Variants in ZNF568 observed in about 807,000 individuals in gnomAD.
ZNF568 encodes the protein p53 inhibitor of SCO2 activation.
A neutral mutation model predicts 18.1 loss-of-function variants in ZNF568; 11 were observed. The observed-to-expected ratio is 0.61, with a 90% CI of 0.38 to 1.00. The LOEUF is 1.00. ZNF568 is among the 50% of genes least tolerant of loss of function. The pLI, the probability that ZNF568 is intolerant of heterozygous loss-of-function variation, is 0.01. For synonymous variants in ZNF568, 213 were observed against 246.6 expected, an observed-to-expected ratio of 0.86 and a Z score of 1.28; for missense variants, 639 against 768.2, an observed-to-expected ratio of 0.83 and a Z score of 1.99.
intron 6 of ZNF568, among the ~76,000 whole-genome samples, chr19:36,965,717 T>C (rs1358766408): frequency 3.0e-5 from 3 of 100,424 alleles, no homozygotes; most frequent in Admixed American, 9.8e-5. Context: ...TTTTTTTTTT[T>C]TTTTTTAAGA....
intron 6 of ZNF568, among the ~76,000 whole-genome samples, chr19:36,969,649 TC>T (rs2074221363): frequency 6.6e-6 from 1 of 152,022 alleles, no homozygotes; most frequent in South Asian, 2.1e-4. Context: ...TATGGCACTT[TC>T]CTCCGTCTTC....
chr19:36,922,279 G>A (rs1369429882), intron 2 of ZNF568, among the ~76,000 whole-genome samples: 2 of 152,168 alleles, frequency 1.3e-5, no homozygotes, highest in South Asian at 2.1e-4. Context: ...GCTGTCAACA[G>A]GAGGCCTCTC....
At chr19:36,995,912 C>G (rs1267930158) in intron 4 of ZNF568, among the ~76,000 whole-genome samples, 1 of 152,048 alleles carries the variant, frequency 6.6e-6, no homozygotes, top group Non-Finnish European at 1.5e-5. Context: ...GGATAATAAC[C>G]CCCTCAAAGA....
chr19:36,961,391 T>A (rs1327016544), intron 6 of ZNF568, among the ~76,000 whole-genome samples: 1 of 152,100 alleles, frequency 6.6e-6, no homozygotes, highest in African/African-American at 2.4e-5. Flanking sequence ...TCCATCCTTT[T>A]ACTTTCAGTC....
chr19:36,918,208 T>G (rs1338110408), intron 2 of ZNF568, among the ~76,000 whole-genome samples: 1 of 152,184 alleles, frequency 6.6e-6, no homozygotes, highest in African/African-American at 2.4e-5. Flanking sequence ...CCTCCCAAAG[T>G]GCTGGGATTA....
At chr19:36,992,241 TCA>T (rs2074431572) in intron 4 of ZNF568, among the ~76,000 whole-genome samples, 1 of 56,350 alleles carries the variant, frequency 1.8e-5, no homozygotes, top group Admixed American at 2.4e-4. Context: ...AGACTCCGTC[TCA>T]AAAAAAAAAA....
chr19:36,942,335 C>T (rs2073893812), intron 6 of ZNF568, among the ~76,000 whole-genome samples: 1 of 151,730 alleles, frequency 6.6e-6, no homozygotes, highest in Admixed American at 6.6e-5. Context: ...CGCGGCAGCT[C>T]ACGCCTGTAA....
chr19:36,966,391 G>A (rs926724366), intron 6 of ZNF568, among the ~76,000 whole-genome samples: 2 of 152,188 alleles, frequency 1.3e-5, no homozygotes, highest in East Asian at 1.9e-4. Context: ...GATTACAGGC[G>A]TGAGCCATCA....
chr19:36,961,766 T>C (rs2146323345), intron 6 of ZNF568, among the ~76,000 whole-genome samples: 1 of 152,118 alleles, frequency 6.6e-6, no homozygotes, highest in East Asian at 1.9e-4. Context: ...CAGGTGATCC[T>C]CCCACCTCAG....
At chr19:36,959,165 C>G (rs2146321300) in intron 6 of ZNF568, among the ~76,000 whole-genome samples, 1 of 152,172 alleles carries the variant, frequency 6.6e-6, no homozygotes, top group South Asian at 2.1e-4. Flanking sequence ...TTATATATAA[C>G]CTTTATTATT....
chr19:36,935,784 C>G (rs1482039571), intron 4 of ZNF568, among the ~76,000 whole-genome samples: 1 of 152,124 alleles, frequency 6.6e-6, no homozygotes, highest in African/African-American at 2.4e-5. Flanking sequence ...TATATCCACT[C>G]TAGCTTTCTA....
At position 36,922,801 on chromosome 19, in the gene ZNF568, AGCTGT is replaced by A. The variant is rs1275056595; in HGVS notation, c.33_37del (p.Cys12AspfsTer33). ...ATCTCAATCTTCAGTGATCAGCAATAGCTGTGTGACAATGGAGCGTTTGAGCCACA... is the reference window on the plus strand; with the variant it reads ...ATCTCAATCTTCAGTGATCAGCAATAGTGACAATGGAGCGTTTGAGCCACA... On this transcript the variant is annotated frameshift_variant, in exon 3 of 7. Coordinates refer to ENST00000333987, the MANE Select transcript of ZNF568 (RefSeq NM_198539.4). LOFTEE classifies it high-confidence loss of function. The A allele has an allele frequency of 1.2e-6, 2 of 1,614,126 alleles. No homozygotes were observed. The highest frequency in any genetic ancestry group is 3.3e-5 in the Admixed American group (2 of 60,024).
At chr19:36,963,144 G>T (rs2074168001) in intron 6 of ZNF568, among the ~76,000 whole-genome samples, 1 of 152,158 alleles carries the variant, frequency 6.6e-6, no homozygotes, top group East Asian at 1.9e-4. Context: ...GGACTATCAA[G>T]AATAAGGCTA....
intron 4 of ZNF568, among the ~76,000 whole-genome samples, chr19:36,993,438 T>C (rs376648880): frequency 3.3e-5 from 5 of 152,152 alleles, no homozygotes; most frequent in Non-Finnish European, 5.9e-5. Context: ...AATTAGAAAA[T>C]GTTTCTTCGT....
chr19:36,984,666 T>C (rs1165058904), downstream of ZNF568, among the ~76,000 whole-genome samples: 4 of 152,090 alleles, frequency 2.6e-5, no homozygotes, highest in Admixed American at 2.6e-4. Flanking sequence ...AAATAGTAAA[T>C]TTCTCTCTGA....
At position 36,978,261 on chromosome 19, in the gene ZNF568, TA is replaced by T. The variant is rs1296594039; in HGVS notation, c.406-740del. 2.6e-5 allele frequency among the ~76,000 whole-genome samples: 4 copies of T among 152,180 alleles called. No homozygotes were observed. The East Asian group carries it at 7.7e-4, about 29-fold the overall frequency. ...CAGAGCACAAAGCCTAATGTTGGAG[TA>T]AAGTGGTGAGCAAAGATGATGTGTT... On this transcript the variant is annotated intron_variant, in intron 7 of 7. Transcript: ENST00000427117.
downstream of ZNF568, among the ~76,000 whole-genome samples, chr19:36,957,219 CTTTTTTTTTTTTT>C (rs56712509): frequency 1.0e-4 from 7 of 69,572 alleles, no homozygotes; most frequent in South Asian, 1.2e-3. Flanking sequence ...CCAGACTGTT[CTTTTTTTTTTTTT>C]TTTTTTTTTT....
intron 6 of ZNF568, among the ~76,000 whole-genome samples, chr19:36,942,693 A>T (rs1428248551): frequency 6.6e-6 from 1 of 150,826 alleles, no homozygotes; most frequent in Admixed American, 6.6e-5. Context: ...ATTTTCTTAG[A>T]TTTGTTTACT....
intron 7 of ZNF568, chr19:36,974,585 G>C: frequency 4.1e-4 from 399 of 981,570 alleles, no homozygotes; most frequent in Non-Finnish European, 5.5e-4. Flanking sequence ...AAGAGGGGAG[G>C]AAACTGCATT....
Sources: allele counts gnomAD v4.1 joint callset (sites outside exome capture counted in the v4.1 genomes callset), GRCh38; gene constraint gnomAD v4.1.1; transcripts MANE v1.5; gene names NCBI Gene and HGNC (gene_info 2026-07-23, HGNC 2026-07-21).